DHRSX: variants seen among roughly 807,000 people sequenced by gnomAD.
The protein encoded by DHRSX is polyprenol dehydrogenase.
A neutral mutation model predicts 34.0 loss-of-function variants in DHRSX; 31 were observed. That is an observed-to-expected ratio of 0.91 (90% CI 0.69 to 1.23). The LOEUF is 1.23. DHRSX is among the 50% of genes most tolerant of loss of function. DHRSX has a pLI of 0.00. For missense variants in DHRSX, 414 were observed against 428.1 expected, an observed-to-expected ratio of 0.97 and a Z score of 0.29; for synonymous variants, 201 against 183.8, an observed-to-expected ratio of 1.09 and a Z score of -0.76.
intron 3 of DHRSX, among the ~76,000 whole-genome samples, chrX:2,298,622 A>ACACACACACGCACACACACACACACG (rs2041970738): frequency 1.4e-5 from 2 of 147,996 alleles, no homozygotes; most frequent in African/African-American, 5.3e-5. Flanking sequence ...ACACACACAC[A>ACACACACACGCACACACACACACACG]CACACACACA....
At chrX:2,418,736 C>T (rs2043729880) in intron 2 of DHRSX, among the ~76,000 whole-genome samples, 1 of 152,144 alleles carries the variant, frequency 6.6e-6, no homozygotes, top group African/African-American at 2.4e-5. Flanking sequence ...ATTGCTCTCC[C>T]TGTTCAAAAA....
At chrX:2,334,364 C>T (rs779747590) in intron 3 of DHRSX, 9 of 152,002 alleles carry the variant, frequency 5.9e-5, no homozygotes, top group African/African-American at 2.2e-4. Flanking sequence ...GGAGTTTCAC[C>T]ATGTTCGCTA....
At chrX:2,414,814 G>A (rs2043673904) in intron 2 of DHRSX, among the ~76,000 whole-genome samples, 1 of 151,514 alleles carries the variant, frequency 6.6e-6, no homozygotes, top group Admixed American at 6.6e-5. Context: ...ATCTCATCAT[G>A]AACAACCTAC....
intron 3 of DHRSX, among the ~76,000 whole-genome samples, chrX:2,315,230 A>AGG (rs2042228539): frequency 6.6e-6 from 1 of 152,050 alleles, no homozygotes; most frequent in Admixed American, 6.6e-5. Context: ...CTGTCCAAAT[A>AGG]AACACTATCC....
intron 3 of DHRSX, among the ~76,000 whole-genome samples, chrX:2,364,015 A>G (rs2042970397): frequency 6.6e-6 from 1 of 152,058 alleles, no homozygotes; most frequent in Non-Finnish European, 1.5e-5. Flanking sequence ...CCTGATCCAC[A>G]CAGCACAGCC....
intron 3 of DHRSX, among the ~76,000 whole-genome samples, chrX:2,313,004 ATAT>A (rs1467443597): frequency 1.9e-5 from 2 of 105,238 alleles, no homozygotes; most frequent in Non-Finnish European, 2.0e-5. Context: ...TTCAAGATAT[ATAT>A]TTTTTTTTTT....
At chrX:2,477,060 T>C (rs1436113914) in intron 1 of DHRSX, among the ~76,000 whole-genome samples, 2 of 152,204 alleles carry the variant, frequency 1.3e-5, no homozygotes, top group Non-Finnish European at 2.9e-5. Context: ...AATATTTTAC[T>C]AAATTTTTTG....
At chrX:2,305,317 G>A (rs1348086787) in intron 3 of DHRSX, among the ~76,000 whole-genome samples, 4 of 152,010 alleles carry the variant, frequency 2.6e-5, no homozygotes, top group Non-Finnish European at 2.9e-5. Context: ...TTAGAAGGGC[G>A]ATCATTAAAA....
intron 6 of DHRSX, among the ~76,000 whole-genome samples, chrX:2,226,000 A>T (rs2015650918): frequency 6.6e-6 from 1 of 151,788 alleles, no homozygotes; most frequent in Non-Finnish European, 1.5e-5. Flanking sequence ...AGCATCTACA[A>T]CCCAAGGAGA....
chrX:2,357,235 A>C (rs1431445042), intron 3 of DHRSX, among the ~76,000 whole-genome samples: 1 of 151,080 alleles, frequency 6.6e-6, no homozygotes, highest in East Asian at 1.9e-4. Context: ...TAACAGTGAA[A>C]CTCTGTCTCG....
At chrX:2,472,666 G>A (rs2044610733) in intron 1 of DHRSX, among the ~76,000 whole-genome samples, 1 of 152,110 alleles carries the variant, frequency 6.6e-6, no homozygotes, top group African/African-American at 2.4e-5. Context: ...CTACCTTACA[G>A]GCTGAGATGG....
At chrX:2,352,373 A>G (rs1045732517) in intron 3 of DHRSX, among the ~76,000 whole-genome samples, 1 of 152,274 alleles carries the variant, frequency 6.6e-6, no homozygotes. Flanking sequence ...GATTATGGTT[A>G]AACTAAAACT....
chrX:2,445,120 G>A (rs931203834), intron 1 of DHRSX, among the ~76,000 whole-genome samples: 1 of 152,144 alleles, frequency 6.6e-6, no homozygotes, highest in African/African-American at 2.4e-5. Flanking sequence ...TCGCACCACT[G>A]CACTCCAGCC....
intron 1 of DHRSX, among the ~76,000 whole-genome samples, chrX:2,459,757 T>C (rs5982627): frequency 0.41 from 62,323 of 151,644 alleles, 12,980 homozygotes; most frequent in African/African-American, 0.49. Flanking sequence ...TTTATATGAC[T>C]ATGTTCCAAG....
chrX:2,255,196 G>A (rs2041260357), intron 5 of DHRSX, among the ~76,000 whole-genome samples: 1 of 151,868 alleles, frequency 6.6e-6, no homozygotes, highest in Admixed American at 6.6e-5. Context: ...ATCTCAAAGA[G>A]AGGTCTTTGA....
At chrX:2,371,485 TCC>T (rs2043066469) in intron 3 of DHRSX, among the ~76,000 whole-genome samples, 1 of 139,640 alleles carries the variant, frequency 7.2e-6, no homozygotes, top group African/African-American at 2.6e-5. Context: ...ACCCTCCTCC[TCC>T]CGTTACCGTA....
At chrX:2,439,281 G>A (rs192075805) in intron 1 of DHRSX, among the ~76,000 whole-genome samples, 74 of 152,180 alleles carry the variant, frequency 4.9e-4, no homozygotes, top group Non-Finnish European at 5.9e-4. Context: ...TTGGACTGCA[G>A]AGGAAAGAGA....
intron 2 of DHRSX, among the ~76,000 whole-genome samples, chrX:2,411,325 C>T (rs1569498246): frequency 3.9e-5 from 6 of 151,962 alleles, no homozygotes; most frequent in Admixed American, 3.3e-4. Context: ...CCGAGGCAAG[C>T]GGATCACGAG....
chrX:2,289,266 C>T (rs1485686876), intron 4 of DHRSX, among the ~76,000 whole-genome samples: 7 of 151,906 alleles, frequency 4.6e-5, no homozygotes, highest in Admixed American at 1.3e-4. Flanking sequence ...TACAGATGCC[C>T]GCCACCACGC....
Sources: allele counts gnomAD v4.1 joint callset (sites outside exome capture counted in the v4.1 genomes callset), GRCh38; gene constraint gnomAD v4.1.1; transcripts MANE v1.5; gene names NCBI Gene and HGNC (gene_info 2026-07-23, HGNC 2026-07-21).